SERGEF: variants seen among roughly 807,000 people sequenced by gnomAD.
SERGEF encodes secretion regulating guanine nucleotide exchange factor.
SERGEF carries 51 observed loss-of-function variants against 50.0 expected under a neutral mutation model. That is an observed-to-expected ratio of 1.02 (90% confidence interval 0.81 to 1.29). The LOEUF (loss-of-function observed/expected upper bound fraction) is 1.29, where lower values mean the gene tolerates loss of function less well. Among genes scored for constraint, SERGEF ranks in the 50% most tolerant of loss-of-function variants. The pLI is 0.00. For missense variants in SERGEF, 521 were observed against 557.0 expected, an observed-to-expected ratio of 0.94 and a Z score of 0.65; for synonymous variants, 205 against 212.4, an observed-to-expected ratio of 0.97 and a Z score of 0.30.
intron 9 of SERGEF, among the ~76,000 whole-genome samples, chr11:17,886,986 C>G (rs1851442505): frequency 6.6e-6 from 1 of 152,046 alleles, no homozygotes; most frequent in Non-Finnish European, 1.5e-5. Context: ...TGAAACAGTT[C>G]TAGGGAGTGA....
At chr11:17,809,888 C>G (rs1411351331) in intron 10 of SERGEF, among the ~76,000 whole-genome samples, 1 of 152,136 alleles carries the variant, frequency 6.6e-6, no homozygotes, top group East Asian at 1.9e-4. Flanking sequence ...TCCCTTGTCA[C>G]CCTGAGTTCA....
At chr11:17,909,279 C>T (rs368442516) in intron 9 of SERGEF, among the ~76,000 whole-genome samples, 11 of 152,200 alleles carry the variant, frequency 7.2e-5, no homozygotes, top group African/African-American at 2.4e-4. Context: ...TACAACACTT[C>T]GTAAATGAAA....
chr11:17,794,934 C>T lies in SERGEF; in HGVS notation c.1049-6521G>A, dbSNP rs554669150. Among the ~76,000 whole-genome samples the T allele has an allele frequency of 4.8e-4, 73 of 152,350 alleles. 1 individual carries two copies. The highest frequency in any genetic ancestry group is 1.7e-3 in the African/African-American group (71 of 41,580). On this transcript the variant is annotated intron_variant, in intron 10 of 10. Transcript: ENST00000265965. ...ATACTGTGCAGAGGAGCAGAAATCT[C>T]CCTGAGCCCTGTGAGCGCTGGGGCT...
At chr11:17,823,420 A>C (rs185880296) in intron 10 of SERGEF, among the ~76,000 whole-genome samples, 92 of 152,110 alleles carry the variant, frequency 6.0e-4, no homozygotes, top group Non-Finnish European at 9.9e-4. Flanking sequence ...TCCATGCTCT[A>C]CTCTTTGAAA....
chr11:17,964,259 C>T (rs1228301049), intron 8 of SERGEF, among the ~76,000 whole-genome samples: 2 of 152,020 alleles, frequency 1.3e-5, no homozygotes, highest in African/African-American at 2.4e-5. Flanking sequence ...AGAAAGACTA[C>T]TAGATGCAAA....
intron 9 of SERGEF, among the ~76,000 whole-genome samples, chr11:17,944,936 A>G (rs1400221964): frequency 6.6e-6 from 1 of 152,256 alleles, no homozygotes; most frequent in Non-Finnish European, 1.5e-5. Flanking sequence ...CTAACATTAA[A>G]AGAATGATCT....
chr11:17,821,862 C>T (rs1366037964), intron 10 of SERGEF, among the ~76,000 whole-genome samples: 1 of 152,216 alleles, frequency 6.6e-6, no homozygotes, highest in Non-Finnish European at 1.5e-5. Flanking sequence ...AAGTCCTCAG[C>T]ATCCACAACA....
At chr11:17,981,148 G>A (rs1228280602) in intron 8 of SERGEF, among the ~76,000 whole-genome samples, 7 of 152,154 alleles carry the variant, frequency 4.6e-5, no homozygotes, top group Non-Finnish European at 8.8e-5. Context: ...TCGGCCCTTG[G>A]CCACAATCTT....
chr11:17,795,012 T>C (rs1470331333), intron 10 of SERGEF, among the ~76,000 whole-genome samples: 2 of 152,156 alleles, frequency 1.3e-5, no homozygotes, highest in African/African-American at 2.4e-5. Flanking sequence ...GAGGGAGAGA[T>C]AGGCACAAGA....
At chr11:17,921,257 C>T (rs1041854634) in intron 9 of SERGEF, among the ~76,000 whole-genome samples, 2 of 152,148 alleles carry the variant, frequency 1.3e-5, no homozygotes, top group African/African-American at 2.4e-5. Context: ...TTTAAAAGTA[C>T]TCATTATTAA....
At chr11:17,846,428 A>G (rs1197234291) in intron 10 of SERGEF, 1 of 299,224 alleles carries the variant, frequency 3.3e-6, no homozygotes, top group African/African-American at 2.2e-5. Flanking sequence ...CAGTATGTAG[A>G]GATGTATTCT....
At chr11:17,798,821 A>G (rs1849612528) in intron 10 of SERGEF, among the ~76,000 whole-genome samples, 1 of 152,088 alleles carries the variant, frequency 6.6e-6, no homozygotes, top group Non-Finnish European at 1.5e-5. Context: ...CACCCATCTC[A>G]TTTAACAGCT....
chr11:17,993,819 T>A (rs1590239245), intron 6 of SERGEF, among the ~76,000 whole-genome samples: 1 of 151,782 alleles, frequency 6.6e-6, no homozygotes, highest in Non-Finnish European at 1.5e-5. Flanking sequence ...ACAGCCCGGG[T>A]TCCAGCTCCA....
intron 9 of SERGEF, among the ~76,000 whole-genome samples, chr11:17,896,754 GTAAGGGAAGGGAAGGGT>G (rs1851642884): frequency 7.6e-6 from 1 of 131,750 alleles, no homozygotes; most frequent in African/African-American, 2.8e-5. Context: ...TAACGGAAGG[GTAAGGGAAGGGAAGGGT>G]AAGGGAAGGG....
intron 9 of SERGEF, among the ~76,000 whole-genome samples, chr11:17,933,368 TC>T (rs1456630184): frequency 1.3e-5 from 2 of 152,192 alleles, no homozygotes; most frequent in East Asian, 3.9e-4. Context: ...TTGATTAATG[TC>T]ATCTTGTGAC....
chr11:17,881,609 G>C (rs1294537434), intron 9 of SERGEF, among the ~76,000 whole-genome samples: 1 of 152,208 alleles, frequency 6.6e-6, no homozygotes, highest in African/African-American at 2.4e-5. Context: ...ATGCGCCCAA[G>C]AGAAAGAGAT....
intron 9 of SERGEF, among the ~76,000 whole-genome samples, chr11:17,935,974 T>C (rs1467979679): frequency 2.0e-5 from 3 of 152,188 alleles, no homozygotes; most frequent in Non-Finnish European, 4.4e-5. Flanking sequence ...ATTCAGTCTT[T>C]ATGTGCATAT....
chr11:17,795,862 T>C (rs540404472), intron 10 of SERGEF, among the ~76,000 whole-genome samples: 20 of 152,338 alleles, frequency 1.3e-4, no homozygotes, highest in Non-Finnish European at 2.9e-4. Context: ...ACAAGGGGCA[T>C]GGACAGTGGT....
At chr11:17,804,716 CAAATAAATGCCAA>C (rs1849727409) in intron 10 of SERGEF, among the ~76,000 whole-genome samples, 1 of 152,146 alleles carries the variant, frequency 6.6e-6, no homozygotes, top group Admixed American at 6.5e-5. Context: ...AGAGACTCTG[CAAATAAATGCCAA>C]CAACTATTAT....
Sources: allele counts gnomAD v4.1 joint callset (sites outside exome capture counted in the v4.1 genomes callset), GRCh38; gene constraint gnomAD v4.1.1; transcripts MANE v1.5; gene names NCBI Gene and HGNC (gene_info 2026-07-23, HGNC 2026-07-21).